Variants in EXOC6B observed in about 807,000 individuals in gnomAD.
EXOC6B encodes the protein SEC15 homolog B.
EXOC6B carries 54 observed loss-of-function variants against 113.5 expected under a neutral mutation model. The ratio of observed to expected loss-of-function variants is 0.48; its 90% CI spans 0.38 to 0.60. The LOEUF (loss-of-function observed/expected upper bound fraction) is 0.60. Ranked by LOEUF, EXOC6B falls within the 20% of genes least tolerant of loss-of-function variation. EXOC6B has a pLI of 0.00. For missense variants in EXOC6B, 797 were observed against 977.5 expected (o/e 0.82, Z 2.46); for synonymous variants, 357 against 339.0 (o/e 1.05, Z -0.58).
intron 16 of EXOC6B, among the ~76,000 whole-genome samples, chr2:72,491,408 C>T (rs1232796211): frequency 6.6e-6 from 1 of 152,148 alleles, no homozygotes; most frequent in Admixed American, 6.6e-5. Flanking sequence ...TGCTGCGCTT[C>T]ACCATAATCC....
At chr2:72,537,125 T>TC (rs1702338030) in intron 8 of EXOC6B, among the ~76,000 whole-genome samples, 1 of 152,188 alleles carries the variant, frequency 6.6e-6, no homozygotes, top group African/African-American at 2.4e-5. Flanking sequence ...CCTTTTTTTT[T>TC]CCCTCATCCT....
intron 18 of EXOC6B, among the ~76,000 whole-genome samples, chr2:72,449,475 T>C (rs1696787134): frequency 7.2e-6 from 1 of 139,760 alleles, no homozygotes; most frequent in African/African-American, 3.1e-5. Flanking sequence ...CTGGCCAGCA[T>C]TGTCAATTTT....
chr2:72,609,026 CCA>C (rs1670907368), intron 6 of EXOC6B, among the ~76,000 whole-genome samples: 1 of 152,064 alleles, frequency 6.6e-6, no homozygotes, highest in Non-Finnish European at 1.5e-5. Context: ...AAACACAAAG[CCA>C]CTTATTCTCA....
chr2:72,503,012 A>C (rs1700408836), intron 11 of EXOC6B, among the ~76,000 whole-genome samples: 1 of 152,160 alleles, frequency 6.6e-6, no homozygotes, highest in Non-Finnish European at 1.5e-5. Context: ...ACTTCTAAGA[A>C]GCCAATTTTT....
intron 6 of EXOC6B, among the ~76,000 whole-genome samples, chr2:72,632,436 C>T (rs1172509381): frequency 6.6e-6 from 1 of 152,078 alleles, no homozygotes; most frequent in African/African-American, 2.4e-5. Flanking sequence ...CCAATAACTC[C>T]ATCTCTCAGA....
chr2:72,202,224 G>A (rs938924843), intron 20 of EXOC6B, among the ~76,000 whole-genome samples: 4 of 152,200 alleles, frequency 2.6e-5, no homozygotes, highest in Non-Finnish European at 5.9e-5. Flanking sequence ...AAGGATATGA[G>A]AGGAGACACA....
intron 9 of EXOC6B, 132 bp downstream of exon 9, chr2:72,514,911 C>G: frequency 1.2e-6 from 1 of 829,902 alleles, no homozygotes; most frequent in Non-Finnish European, 1.9e-6. Flanking sequence ...CAAGTCACAT[C>G]CACCAAAAGT....
chr2:72,337,773 C>A (rs950060693), intron 19 of EXOC6B, among the ~76,000 whole-genome samples: 4 of 152,156 alleles, frequency 2.6e-5, no homozygotes, highest in Non-Finnish European at 5.9e-5. Flanking sequence ...TATTCAACTT[C>A]ATATTTGTAT....
Position 72,514,632 on chromosome 2 carries a change from A to G in EXOC6B, c.1046+2T>C. 2.4e-6 allele frequency: 2 copies of G among 821,808 alleles called. No homozygotes were observed. Among genetic ancestry groups the G allele is most frequent in the Non-Finnish European group, 3.7e-6 (2 of 537,958 alleles). The allele number at this position is 821,808 out of a possible 1,614,324, so 50.9% of individuals were successfully genotyped here. On this transcript the variant is annotated splice_donor_variant, in intron 10 of 21. Transcript: ENST00000272427. LOFTEE classifies it high-confidence loss of function. The stretch of plus-strand genomic sequence containing the variant: ...TATATATATATATATATATATACCT[A>G]CCCTACAATTTGATTAAAATACTTC...
chr2:72,431,762 A>G (rs185730667), intron 18 of EXOC6B, among the ~76,000 whole-genome samples: 62 of 152,072 alleles, frequency 4.1e-4, no homozygotes, highest in Admixed American at 5.9e-4. Flanking sequence ...CACTTCATCT[A>G]CATTAGGTAT....
At chr2:72,758,026 G>C (rs1295597054) in intron 1 of EXOC6B, among the ~76,000 whole-genome samples, 1 of 151,940 alleles carries the variant, frequency 6.6e-6, no homozygotes, top group Non-Finnish European at 1.5e-5. Context: ...AGCTGAGCAT[G>C]GTGGTGTGTG....
intron 20 of EXOC6B, among the ~76,000 whole-genome samples, chr2:72,244,317 T>C (rs1266821600): frequency 6.6e-6 from 1 of 152,062 alleles, no homozygotes; most frequent in Non-Finnish European, 1.5e-5. Context: ...TGAGTCAAAA[T>C]AGTCATGTCA....
intron 20 of EXOC6B, among the ~76,000 whole-genome samples, chr2:72,315,234 G>C (rs1687439839): frequency 6.6e-6 from 1 of 152,112 alleles, no homozygotes. Context: ...AAGTGCAAAG[G>C]CCTTGAGATG....
Position 72,178,498 on chromosome 2 carries a change from C to A in EXOC6B, c.*837G>T, listed in dbSNP as rs189043347. ...GTAACTGTTGATTTATGTCCTGAAC[C>A]AAGTGCTCTGACTGTAAGTGAAGGA... On this transcript the variant is annotated 3_prime_UTR_variant, in exon 22 of 22. Transcript: ENST00000272427. The A allele has an allele frequency of 7.3e-6, 1 of 136,978 alleles. No individual in the cohort carries two copies. 8.5% of individuals were successfully genotyped at this position (136,978 alleles called of 1,614,324 possible).
chr2:72,189,335 A>C (rs551655114), intron 20 of EXOC6B, among the ~76,000 whole-genome samples: 14 of 152,216 alleles, frequency 9.2e-5, no homozygotes, highest in African/African-American at 3.1e-4. Context: ...AAGATTCAAG[A>C]CTGAATTCTT....
intron 1 of EXOC6B, among the ~76,000 whole-genome samples, chr2:72,773,275 A>G (rs754795503): frequency 6.6e-6 from 1 of 151,346 alleles, no homozygotes; most frequent in Non-Finnish European, 1.5e-5. Flanking sequence ...CACAAGCATA[A>G]GCCACCATGC....
At chr2:72,683,655 T>A (rs530736883) in intron 6 of EXOC6B, among the ~76,000 whole-genome samples, 9 of 152,306 alleles carry the variant, frequency 5.9e-5, no homozygotes, top group African/African-American at 2.2e-4. Context: ...TTAAAAAATT[T>A]AAGTAATGAA....
intron 6 of EXOC6B, among the ~76,000 whole-genome samples, chr2:72,695,754 C>T (rs1231370702): frequency 1.1e-4 from 16 of 151,992 alleles, no homozygotes; most frequent in Admixed American, 1.0e-3. Context: ...ACTCATCTCT[C>T]ATAACAAGAA....
chr2:72,395,519 C>G (rs1692670715), intron 18 of EXOC6B, among the ~76,000 whole-genome samples: 1 of 152,108 alleles, frequency 6.6e-6, no homozygotes, highest in Non-Finnish European at 1.5e-5. Context: ...TTAGGCTTCT[C>G]TGAGGGAAAT....
Sources: gnomAD v4.1 joint callset for allele counts (sites outside exome capture counted in the v4.1 genomes callset) on GRCh38, gnomAD v4.1.1 for gene constraint, MANE v1.5 for transcripts, NCBI Gene and HGNC (gene_info 2026-07-23, HGNC 2026-07-21) for gene names.